The following VSTM4 variants were observed in gnomAD, a reference collection of about 807,000 sequenced individuals.
VSTM4 encodes the protein V-set and transmembrane domain containing 4.
In VSTM4, 20 loss-of-function variants were observed where a neutral mutation model predicts 36.4. That is an observed-to-expected ratio of 0.55 (90% CI 0.39 to 0.80). The LOEUF is 0.80. Ranked by LOEUF, VSTM4 falls within the 30% of genes least tolerant of loss-of-function variation. The pLI is 0.00. For missense variants in VSTM4, 392 were observed against 404.5 expected (o/e 0.97, Z 0.26); for synonymous variants, 182 against 173.9 (o/e 1.05, Z -0.37).
chr10:49,057,925 C>T (rs879246925), intron 5 of VSTM4, among the ~76,000 whole-genome samples: 1 of 152,172 alleles, frequency 6.6e-6, no homozygotes, highest in Non-Finnish European at 1.5e-5. Flanking sequence ...AGGAGAATGA[C>T]CTGACTCTGA....
chr10:49,027,617 C>T (rs996162714), intron 7 of VSTM4, among the ~76,000 whole-genome samples: 8 of 152,152 alleles, frequency 5.3e-5, no homozygotes, highest in East Asian at 1.9e-4. Context: ...CCCTCCAGCC[C>T]GACCCCTGGC....
At chr10:49,081,527 G>C (rs928795566) in intron 3 of VSTM4, among the ~76,000 whole-genome samples, 15 of 152,234 alleles carry the variant, frequency 9.9e-5, no homozygotes, top group Admixed American at 5.9e-4. Flanking sequence ...CTCTCCCCAA[G>C]TGTCCCTAGC....
chr10:49,056,573 C>A (rs1395434947), intron 5 of VSTM4, among the ~76,000 whole-genome samples: 2 of 152,238 alleles, frequency 1.3e-5, no homozygotes, highest in Admixed American at 6.5e-5. Context: ...CTGACCCCTG[C>A]TGGCACCTGT....
intron 2 of VSTM4, among the ~76,000 whole-genome samples, chr10:49,090,237 G>A (rs1844448172): frequency 6.6e-6 from 1 of 152,338 alleles, no homozygotes; most frequent in South Asian, 2.1e-4. Context: ...TTAAGCAAGA[G>A]TCAATCAATC....
At chr10:49,030,753 A>G (rs1302839700) in intron 7 of VSTM4, among the ~76,000 whole-genome samples, 3 of 152,238 alleles carry the variant, frequency 2.0e-5, no homozygotes, top group African/African-American at 7.2e-5. Context: ...CTTCAAGGAC[A>G]GGCAGAGGTG....
At chr10:49,039,788 C>G (rs975126838) in intron 7 of VSTM4, among the ~76,000 whole-genome samples, 1 of 152,200 alleles carries the variant, frequency 6.6e-6, no homozygotes, top group Non-Finnish European at 1.5e-5. Flanking sequence ...GGTAACAGTC[C>G]TGTGTCCTGC....
At chr10:49,067,197 CA>C (rs1459106225) in intron 4 of VSTM4, among the ~76,000 whole-genome samples, 4 of 146,858 alleles carry the variant, frequency 2.7e-5, no homozygotes, top group African/African-American at 2.7e-5. Flanking sequence ...TAGATGTCAA[CA>C]AAAAAATGAT....
intron 5 of VSTM4, 116 bp downstream of exon 5, chr10:49,064,586 TG>T: frequency 8.2e-7 from 1 of 1,215,886 alleles, no homozygotes; most frequent in Non-Finnish European, 1.2e-6. Flanking sequence ...GGCATATTTG[TG>T]GACAAATATG....
chr10:49,094,801 C>T (rs910550027), intron 2 of VSTM4, among the ~76,000 whole-genome samples: 8 of 152,204 alleles, frequency 5.3e-5, no homozygotes, highest in Non-Finnish European at 1.2e-4. Context: ...GGGCGTGCCA[C>T]TGCAGCCCCA....
At chr10:49,020,158 A>G (rs986322457) in intron 7 of VSTM4, among the ~76,000 whole-genome samples, 1 of 152,252 alleles carries the variant, frequency 6.6e-6, no homozygotes, top group Non-Finnish European at 1.5e-5. Context: ...AAAAATTAAT[A>G]ACAACACTAG....
At chr10:49,021,963 T>C (rs1843188032) in intron 7 of VSTM4, among the ~76,000 whole-genome samples, 2 of 152,162 alleles carry the variant, frequency 1.3e-5, no homozygotes, top group East Asian at 3.8e-4. Flanking sequence ...ACTTAGAAAA[T>C]CCTGGGAACT....
chr10:49,015,764 T>C lies in VSTM4; in HGVS notation c.*3886A>G, dbSNP rs1279855955. On this transcript the variant is annotated 3_prime_UTR_variant, in exon 8 of 8. Transcript: ENST00000332853. ...CAGGGATACTGGAAAGATGTCATGT[T>C]CCACATGGACACCAGCCTAAGCTTT... 6.6e-6 allele frequency: 1 copy of C among 152,216 alleles called. No homozygotes were observed. The highest frequency in any genetic ancestry group is 1.5e-5 in the Non-Finnish European group (1 of 68,036). 9.4% of individuals were successfully genotyped at this position (152,216 alleles called of 1,614,324 possible). A position where few individuals can be genotyped will look rare whatever the true frequency, so the allele number is the denominator to read the frequency against.
At chr10:49,091,494 C>A (rs1000884573) in intron 2 of VSTM4, among the ~76,000 whole-genome samples, 3 of 152,212 alleles carry the variant, frequency 2.0e-5, no homozygotes, top group East Asian at 1.9e-4. Context: ...AAAGAAAGAG[C>A]CTCAGTCAAG....
Position 49,016,347 on chromosome 10 carries a change from T to C in VSTM4, c.*3303A>G, listed in dbSNP as rs1290040279. On this transcript the variant is annotated 3_prime_UTR_variant, in exon 8 of 8. Transcript: ENST00000332853. ...CTCCCTGCTGCTTGCTCAGTGTCTG[T>C]TGCCTTCCAAGGCTTCTCCACTAGG... 6.6e-6 allele frequency: 1 copy of C among 152,250 alleles called. No individual in the cohort carries two copies. Among genetic ancestry groups the C allele is most frequent in the Non-Finnish European group, 1.5e-5 (1 of 68,064 alleles). 9.4% of individuals were successfully genotyped at this position (152,250 alleles called of 1,614,324 possible).
chr10:49,074,999 T>C (rs1337901731), intron 4 of VSTM4, among the ~76,000 whole-genome samples: 1 of 152,132 alleles, frequency 6.6e-6, no homozygotes, highest in Non-Finnish European at 1.5e-5. Flanking sequence ...CATAAGCACA[T>C]GGAGGGGCCA....
At chr10:49,090,783 T>C (rs546993264) in intron 2 of VSTM4, among the ~76,000 whole-genome samples, 1 of 152,314 alleles carries the variant, frequency 6.6e-6, no homozygotes, top group Non-Finnish European at 1.5e-5. Flanking sequence ...ATAGCTGGCA[T>C]GGGGGCAAAT....
At chr10:49,103,685 G>C in intron 2 of VSTM4, 6 of 1,599,824 alleles carry the variant, frequency 3.8e-6, no homozygotes, top group South Asian at 1.1e-5. Flanking sequence ...GGAGAGACCA[G>C]GCACCAGCCT....
chr10:49,049,728 G>A (rs1590086488), intron 5 of VSTM4, among the ~76,000 whole-genome samples: 1 of 150,144 alleles, frequency 6.7e-6, no homozygotes, highest in African/African-American at 2.4e-5. Flanking sequence ...TCAGGACAGA[G>A]GAATTCCAGT....
chr10:49,029,128 T>A (rs1366468875), intron 7 of VSTM4, among the ~76,000 whole-genome samples: 1 of 152,168 alleles, frequency 6.6e-6, no homozygotes, highest in African/African-American at 2.4e-5. Context: ...CCTCAATGGG[T>A]CTCCATAGTA....
Sources: gnomAD v4.1 joint callset for allele counts (sites outside exome capture counted in the v4.1 genomes callset) on GRCh38, gnomAD v4.1.1 for gene constraint, MANE v1.5 for transcripts, NCBI Gene and HGNC (gene_info 2026-07-23, HGNC 2026-07-21) for gene names.